UTP4: variants seen among roughly 807,000 people sequenced by gnomAD.
UTP4 encodes UTP4 small subunit processome component.
UTP4 carries 45 observed loss-of-function variants against 82.4 expected under a neutral mutation model. That is an observed-to-expected ratio of 0.55 (90% CI 0.43 to 0.70). The LOEUF (loss-of-function observed/expected upper bound fraction) is 0.70, where lower values mean the gene tolerates loss of function less well. Among genes scored for constraint, UTP4 ranks in the 30% least tolerant of loss-of-function variants. The pLI, the probability that UTP4 is intolerant of heterozygous loss-of-function variation, is 0.00. For synonymous variants in UTP4, 348 were observed against 300.3 expected, an observed-to-expected ratio of 1.16 and a Z score of -1.64; for missense variants, 819 against 858.3, an observed-to-expected ratio of 0.95 and a Z score of 0.57.
At chr16:69,156,046 C>G (rs1963403270) in intron 11 of UTP4, 53 bp downstream of exon 11, 1 of 1,583,170 alleles carries the variant, frequency 6.3e-7, no homozygotes, top group Non-Finnish European at 8.7e-7. Flanking sequence ...CTAAATATGT[C>G]ATTTTTGTGT....
chr16:69,133,537 C>G lies in UTP4; in HGVS notation c.78C>G (p.Asn26Lys). ...PSGIRCVAYN[N>K]QSNRLAVSRT... ...GAATCCGCTGTGTGGCTTACAATAA[C>G]CAGTCAAACAGATTGGCTGTTTCAC... Residue 26 changes from asparagine (N) to lysine (K), a missense_variant, in exon 2 of 17, where the codon AAC (asparagine) becomes AAG (lysine). Coordinates refer to ENST00000314423, the MANE Select transcript of UTP4 (RefSeq NM_032830.3). 1 of 1,614,034 alleles carries G rather than the reference C, an allele frequency of 6.2e-7. No homozygotes were observed. Among genetic ancestry groups the G allele is most frequent in the Non-Finnish European group, 8.5e-7 (1 of 1,179,924 alleles).
intron 13 of UTP4, among the ~76,000 whole-genome samples, chr16:69,162,272 A>C (rs991454491): frequency 6.7e-6 from 1 of 149,394 alleles, no homozygotes; most frequent in Non-Finnish European, 1.5e-5. Flanking sequence ...CGGCCAACCA[A>C]TAGGTATTTT....
At chr16:69,155,778 T>C in intron 10 of UTP4, 93 bp from the exon 11 acceptor site, 1 of 1,306,860 alleles carries the variant, frequency 7.7e-7, no homozygotes, top group Non-Finnish European at 1.1e-6. Context: ...TGTGGGTATG[T>C]CCAGAGTGGC....
At chr16:69,141,839 T>C (rs887159148) in intron 5 of UTP4, among the ~76,000 whole-genome samples, 1 of 151,482 alleles carries the variant, frequency 6.6e-6, no homozygotes, top group African/African-American at 2.4e-5. Flanking sequence ...TATTTTATTT[T>C]ATTTTATTAT....
At chr16:69,156,132 A>G (rs1963405992) in intron 11 of UTP4, 139 bp downstream of exon 11, 1 of 839,434 alleles carries the variant, frequency 1.2e-6, no homozygotes, top group Admixed American at 2.5e-5. Flanking sequence ...CTGTTATGAA[A>G]CAGTGTTTTA....
chr16:69,152,110 A>G (rs1358630970), intron 8 of UTP4, among the ~76,000 whole-genome samples: 1 of 151,358 alleles, frequency 6.6e-6, no homozygotes, highest in Non-Finnish European at 1.5e-5. Context: ...GGTTGAACAT[A>G]GTCCTCATAA....
chr16:69,157,665 G>A (rs1482200040), intron 12 of UTP4, among the ~76,000 whole-genome samples: 1 of 152,084 alleles, frequency 6.6e-6, no homozygotes, highest in Non-Finnish European at 1.5e-5. Context: ...TACAATCATA[G>A]ATGGCTGCCA....
intron 12 of UTP4, among the ~76,000 whole-genome samples, chr16:69,157,450 T>C (rs888724654): frequency 6.6e-6 from 1 of 152,216 alleles, no homozygotes; most frequent in Admixed American, 6.5e-5. Context: ...TACTCTTTTC[T>C]CACTGGGTTT....
At chr16:69,167,231 A>G in intron 16 of UTP4, 46 bp downstream of exon 16, 4 of 1,237,010 alleles carry the variant, frequency 3.2e-6, no homozygotes, top group Non-Finnish European at 4.8e-6. Context: ...TTCCTTTGTG[A>G]TACCAAAATG....
chr16:69,144,012 C>T (rs943599519), intron 6 of UTP4, among the ~76,000 whole-genome samples: 3 of 151,558 alleles, frequency 2.0e-5, no homozygotes, highest in Non-Finnish European at 4.4e-5. Flanking sequence ...CTCAGCCTCC[C>T]CAGTAGCTCG....
intron 6 of UTP4, among the ~76,000 whole-genome samples, chr16:69,144,044 C>A (rs186748275): frequency 6.6e-6 from 1 of 151,938 alleles, no homozygotes; most frequent in African/African-American, 2.4e-5. Flanking sequence ...CCTGTCACCA[C>A]ACCCAGCTAA....
chr16:69,165,006 T>C (rs1963666063), intron 14 of UTP4, among the ~76,000 whole-genome samples: 1 of 151,958 alleles, frequency 6.6e-6, no homozygotes, highest in Non-Finnish European at 1.5e-5. Context: ...CCATCCTGGC[T>C]AACACAGTGA....
intron 6 of UTP4, among the ~76,000 whole-genome samples, chr16:69,147,441 G>A (rs1483422905): frequency 6.6e-6 from 1 of 151,952 alleles, no homozygotes; most frequent in East Asian, 1.9e-4. Flanking sequence ...GGAGGCGGAG[G>A]TTGCAGTGAT....
intron 1 of UTP4, 111 bp from the exon 2 acceptor site, chr16:69,133,347 G>A: frequency 3.0e-6 from 3 of 990,290 alleles, no homozygotes; most frequent in Admixed American, 1.9e-5. Flanking sequence ...GAACTTCAGG[G>A]AGATGTTGTT....
chr16:69,149,711 T>C (rs1393037095), intron 6 of UTP4, among the ~76,000 whole-genome samples: 1 of 152,068 alleles, frequency 6.6e-6, no homozygotes, highest in Non-Finnish European at 1.5e-5. Flanking sequence ...AAGAAACTTT[T>C]TTATTGGTGT....
chr16:69,152,636 AT>A (rs1281104210), intron 8 of UTP4, among the ~76,000 whole-genome samples: 9 of 150,532 alleles, frequency 6.0e-5, no homozygotes, highest in African/African-American at 2.2e-4. Flanking sequence ...CGCCTAGGTA[AT>A]TTTTTTTGTA....
rs773770077 is a variant in UTP4, at chr16:69,165,422, C to T, written c.1729C>T (p.Leu577Phe). The stretch of plus-strand genomic sequence containing the variant: ...GAAGCAGGGCTTTCACCACCTTTGG[C>T]TCCAAAGGGATACTCCTATCACACA... ...VQKQGFHHLWLQRDTPITHIS... is the reference protein window; with the variant it reads ...VQKQGFHHLWFQRDTPITHIS... The change falls in exon 15 of 17, where the codon CTC (leucine) becomes TTC (phenylalanine). Residue 577 changes from leucine to phenylalanine, a missense_variant. Leu to Phe is a conservative substitution (Grantham distance 22, BLOSUM62 0). Coordinates refer to ENST00000314423, the MANE Select transcript of UTP4 (RefSeq NM_032830.3). 5 of 1,613,744 alleles carry T rather than the reference C, an allele frequency of 3.1e-6. No individual in the cohort carries two copies. The highest frequency in any genetic ancestry group is 1.1e-5 in the South Asian group (1 of 91,064).
At position 69,167,106 on chromosome 16, in the gene UTP4, A is replaced by G. The variant is rs1469254725; in HGVS notation, c.1865A>G (p.Asn622Ser). 5 of 1,613,718 alleles carry G rather than the reference A, an allele frequency of 3.1e-6. No homozygotes were observed. In the Admixed American group the frequency reaches 6.7e-5, roughly 22 times the overall value. ...CCAAATGACAAAACCTTACTCTACA[A>G]TCCATTTCCTCCCACGAATGAATCA... is the stretch of plus-strand genomic sequence containing the variant. ...PLPNDKTLLY[N>S]PFPPTNESDV... Residue 622 changes from asparagine to serine, a missense_variant, in exon 16 of 17, where the codon AAT becomes AGT. Asn to Ser is a conservative substitution (Grantham distance 46, BLOSUM62 1). Coordinates refer to ENST00000314423, the MANE Select transcript of UTP4 (RefSeq NM_032830.3).
intron 2 of UTP4, among the ~76,000 whole-genome samples, chr16:69,134,778 C>G (rs1962767982): frequency 6.7e-6 from 1 of 148,450 alleles, no homozygotes; most frequent in South Asian, 2.1e-4. Context: ...TCTTGGCTCA[C>G]TGCAACCTCT....
Sources: gnomAD v4.1 joint callset for allele counts (sites outside exome capture counted in the v4.1 genomes callset) on GRCh38, gnomAD v4.1.1 for gene constraint, MANE v1.5 for transcripts, NCBI Gene and HGNC (gene_info 2026-07-23, HGNC 2026-07-21) for gene names.